TAFA2: variants seen among roughly 807,000 people sequenced by gnomAD.
The protein encoded by TAFA2 is chemokine-like protein TAFA-2.
Under a neutral mutation model 18.8 loss-of-function variants are expected in TAFA2, and 7 were observed. That is an observed-to-expected ratio of 0.37 (90% CI 0.21 to 0.70). The LOEUF is 0.70. Ranked by LOEUF, TAFA2 falls within the 30% of genes least tolerant of loss-of-function variation. The pLI is 0.53. For synonymous variants in TAFA2, 60 were observed against 54.2 expected, an observed-to-expected ratio of 1.11 and a Z score of -0.47; for missense variants, 122 against 158.1, an observed-to-expected ratio of 0.77 and a Z score of 1.23.
At chr12:61,913,522 A>G (rs1876696551) in intron 1 of TAFA2, among the ~76,000 whole-genome samples, 1 of 152,190 alleles carries the variant, frequency 6.6e-6, no homozygotes, top group African/African-American at 2.4e-5. Flanking sequence ...CAGTCTGACT[A>G]TGATTCTGGC....
chr12:61,744,863 C>G (rs1377654833), intron 4 of TAFA2, among the ~76,000 whole-genome samples: 2 of 152,086 alleles, frequency 1.3e-5, no homozygotes, highest in African/African-American at 4.8e-5. Context: ...GTTACTTTTA[C>G]TAATGCTACT....
intron 1 of TAFA2, among the ~76,000 whole-genome samples, chr12:62,017,436 T>A (rs769811767): frequency 6.6e-6 from 1 of 152,182 alleles, no homozygotes; most frequent in Non-Finnish European, 1.5e-5. Flanking sequence ...ATATACAAGA[T>A]GCTGTGGCAG....
chr12:62,058,972 G>A (rs1003972110), intron 1 of TAFA2, among the ~76,000 whole-genome samples: 12 of 152,026 alleles, frequency 7.9e-5, no homozygotes, highest in Non-Finnish European at 1.2e-4. Context: ...GCGTGGTGGC[G>A]GGCGCCTGTA....
At chr12:62,167,124 A>G (rs2062446244) in intron 1 of TAFA2, among the ~76,000 whole-genome samples, 1 of 152,138 alleles carries the variant, frequency 6.6e-6, no homozygotes, top group Admixed American at 6.6e-5. Context: ...TATCTAAGGT[A>G]TTGGACATAA....
chr12:62,079,411 G>A (rs1402065714), intron 1 of TAFA2, among the ~76,000 whole-genome samples: 1 of 151,912 alleles, frequency 6.6e-6, no homozygotes, highest in Non-Finnish European at 1.5e-5. Context: ...CCAGCACTTT[G>A]GGAGGCTGAG....
chr12:62,028,533 A>G (rs907253059), intron 1 of TAFA2, among the ~76,000 whole-genome samples: 5 of 152,236 alleles, frequency 3.3e-5, no homozygotes, highest in African/African-American at 4.8e-5. Context: ...AGAGTTGTGC[A>G]TGGTCAAACA....
chr12:61,930,377 G>T (rs1877506332), intron 1 of TAFA2, among the ~76,000 whole-genome samples: 1 of 152,178 alleles, frequency 6.6e-6, no homozygotes, highest in Non-Finnish European at 1.5e-5. Context: ...ACTCCTGAAT[G>T]CTAAGAAACC....
intron 1 of TAFA2, among the ~76,000 whole-genome samples, chr12:62,030,795 T>C (rs1881437136): frequency 6.6e-6 from 1 of 152,180 alleles, no homozygotes; most frequent in Non-Finnish European, 1.5e-5. Context: ...TTGTTGTTAC[T>C]GACTTGAGGT....
At chr12:62,203,848 C>T (rs897951025) in intron 1 of TAFA2, among the ~76,000 whole-genome samples, 42 of 152,186 alleles carry the variant, frequency 2.8e-4, no homozygotes, top group African/African-American at 9.4e-4. Flanking sequence ...AAGGTTAATG[C>T]TGTTTTATGT....
chr12:62,104,671 T>C (rs1334239732), intron 1 of TAFA2: 1 of 455,384 alleles, frequency 2.2e-6, no homozygotes. Flanking sequence ...ATTTTCAAGA[T>C]AAGCAATAAC....
intron 2 of TAFA2, among the ~76,000 whole-genome samples, chr12:61,824,271 T>A (rs1872445297): frequency 6.6e-6 from 1 of 152,112 alleles, no homozygotes; most frequent in South Asian, 2.1e-4. Context: ...AACATGTGAG[T>A]TGCAGACTGG....
intron 1 of TAFA2, among the ~76,000 whole-genome samples, chr12:61,981,379 C>A (rs927490677): frequency 6.6e-6 from 1 of 152,162 alleles, no homozygotes; most frequent in East Asian, 1.9e-4. Flanking sequence ...TAGGCAACAC[C>A]TTTCAGGACA....
chr12:62,012,930 G>T (rs1210961628), intron 1 of TAFA2, among the ~76,000 whole-genome samples: 1 of 152,102 alleles, frequency 6.6e-6, no homozygotes, highest in African/African-American at 2.4e-5. Context: ...CCTGAAATTT[G>T]CCCAGTTCAG....
At chr12:62,128,149 G>A (rs966696907) in intron 1 of TAFA2, among the ~76,000 whole-genome samples, 1 of 152,008 alleles carries the variant, frequency 6.6e-6, no homozygotes, top group Non-Finnish European at 1.5e-5. Flanking sequence ...GTTTGTTCAG[G>A]TCAATTTTAT....
intron 1 of TAFA2, among the ~76,000 whole-genome samples, chr12:62,132,324 G>A (rs561081457): frequency 2.0e-4 from 30 of 151,442 alleles, no homozygotes; most frequent in African/African-American, 6.3e-4. Flanking sequence ...GAGTTTCCAG[G>A]AGACACTGAG....
chr12:61,933,559 A>T (rs1026246719), intron 1 of TAFA2, among the ~76,000 whole-genome samples: 7 of 152,070 alleles, frequency 4.6e-5, no homozygotes, highest in Admixed American at 6.6e-5. Flanking sequence ...CAAAAAAATT[A>T]AAAAATTAGC....
intron 1 of TAFA2, among the ~76,000 whole-genome samples, chr12:62,158,548 CTA>C (rs2062386721): frequency 6.6e-6 from 1 of 152,188 alleles, no homozygotes; most frequent in Admixed American, 6.5e-5. Flanking sequence ...CCTCTCAAAC[CTA>C]TGAGCTAACT....
chr12:61,901,108 T>C (rs978749238), intron 1 of TAFA2, among the ~76,000 whole-genome samples: 2 of 152,130 alleles, frequency 1.3e-5, no homozygotes, highest in Non-Finnish European at 2.9e-5. Flanking sequence ...TTACCAAATA[T>C]ATGTCTTTAT....
chr12:62,233,649 C>T lies in TAFA2; in HGVS notation c.-130+25114G>A, dbSNP rs79884181. On this transcript the variant is annotated intron_variant, in intron 1 of 5. Transcript: ENST00000551619. Reference sequence around the variant, plus strand: ...GAGACCAGCCCTGGCCCAGTGAACCCGAGATGGCCTGCTCCATGGAAGGGA... The same window carrying T: ...GAGACCAGCCCTGGCCCAGTGAACCTGAGATGGCCTGCTCCATGGAAGGGA... Among the ~76,000 whole-genome samples the T allele has an allele frequency of 3.0e-3, 451 of 152,312 alleles. 5 individuals carry two copies. Among genetic ancestry groups the T allele is most frequent in the East Asian group, 0.019 (96 of 5,172 alleles).
Sources: allele counts gnomAD v4.1 joint callset (sites outside exome capture counted in the v4.1 genomes callset), GRCh38; gene constraint gnomAD v4.1.1; transcripts MANE v1.5; gene names NCBI Gene and HGNC (gene_info 2026-07-23, HGNC 2026-07-21).